The following SNTB2 variants were observed in gnomAD, a reference collection of about 807,000 sequenced individuals.
SNTB2 encodes the protein beta-2-syntrophin.
A neutral mutation model predicts 46.2 loss-of-function variants in SNTB2; 34 were observed. That is an observed-to-expected ratio of 0.74 (90% confidence interval 0.56 to 0.98). The LOEUF is 0.98. SNTB2 is among the 50% of genes least tolerant of loss of function. The probability of loss-of-function intolerance (pLI) is 0.00; values close to 1 mark genes in which losing one functional copy is unlikely to be tolerated. For synonymous variants in SNTB2, 290 were observed against 312.6 expected, an observed-to-expected ratio of 0.93 and a Z score of 0.76; for missense variants, 603 against 731.4, an observed-to-expected ratio of 0.82 and a Z score of 2.02.
chr16:69,229,204 C>G (rs1964484007), intron 1 of SNTB2, among the ~76,000 whole-genome samples: 1 of 152,148 alleles, frequency 6.6e-6, no homozygotes, highest in South Asian at 2.1e-4. Flanking sequence ...CAGGATCTCA[C>G]TCTGTCATTC....
At chr16:69,217,696 A>G (rs970159525) in intron 1 of SNTB2, among the ~76,000 whole-genome samples, 3 of 152,180 alleles carry the variant, frequency 2.0e-5, no homozygotes. Flanking sequence ...ATTGGAGATA[A>G]ATTCAGGAGC....
rs997806645 is a variant in SNTB2 at position 69,303,052 on chromosome 16, A to G, written c.*2128A>G. The G allele has an allele frequency of 6.6e-6, 1 of 152,170 alleles. No individual in the cohort carries two copies. The highest frequency in any genetic ancestry group is 2.4e-5 in the African/African-American group (1 of 41,406). 9.4% of individuals were successfully genotyped at this position (152,170 alleles called of 1,614,324 possible). A position where few individuals can be genotyped will look rare whatever the true frequency, so the allele number is the denominator to read the frequency against. The stretch of plus-strand genomic sequence containing the variant: ...CAGCTAATTTTTGTATTTTTAGTAG[A>G]GGCAGGTTTTCACCATGTTGGCTAG... On this transcript the variant is annotated 3_prime_UTR_variant, in exon 7 of 7. Coordinates refer to ENST00000336278, the MANE Select transcript of SNTB2 (RefSeq NM_006750.4).
Position 69,253,371 on chromosome 16 carries a change from C to T in SNTB2, c.795-6679C>T, listed in dbSNP as rs62055852. ...TTTCATAAAAAACTGGTTAACTGGCCGGGCGTGGTGCCTCACACCTGTAAT... is the reference window on the plus strand; with the variant it reads ...TTTCATAAAAAACTGGTTAACTGGCTGGGCGTGGTGCCTCACACCTGTAAT... On this transcript the variant is annotated intron_variant, in intron 2 of 6. Transcript: ENST00000336278. Among the ~76,000 whole-genome samples the T allele has an allele frequency of 7.1e-3, 1,083 of 151,820 alleles. 6 individuals are homozygous for T. The highest frequency in any genetic ancestry group is 0.014 in the Middle Eastern group (4 of 294).
At chr16:69,198,902 T>G (rs1463987655) in intron 1 of SNTB2, among the ~76,000 whole-genome samples, 26 of 151,178 alleles carry the variant, frequency 1.7e-4, no homozygotes, top group African/African-American at 6.3e-4. Flanking sequence ...TAATGTTTTT[T>G]TTTTTTTTTT....
chr16:69,267,086 G>A (rs1326691931), intron 3 of SNTB2, among the ~76,000 whole-genome samples: 1 of 151,156 alleles, frequency 6.6e-6, no homozygotes, highest in Non-Finnish European at 1.5e-5. Context: ...GGAGTGCAGT[G>A]GCGCAGTCTC....
chr16:69,189,730 A>T (rs1964032532), intron 1 of SNTB2, among the ~76,000 whole-genome samples: 1 of 152,236 alleles, frequency 6.6e-6, no homozygotes, highest in Non-Finnish European at 1.5e-5. Flanking sequence ...AGCCTGGATG[A>T]CAGAGCAAGA....
At chr16:69,258,364 AT>A (rs1237759623) in intron 2 of SNTB2, among the ~76,000 whole-genome samples, 13 of 152,140 alleles carry the variant, frequency 8.5e-5, no homozygotes, top group Non-Finnish European at 1.9e-4. Flanking sequence ...ACAAAACAAT[AT>A]TCAATAGATT....
rs1408243985 is a variant in SNTB2 at position 69,307,523 on chromosome 16, TTAACTG to T, written c.*6604_*6609del. 2 of 111,690 alleles carry T rather than the reference TTAACTG, an allele frequency of 1.8e-5. No homozygotes were observed. Among genetic ancestry groups the T allele is most frequent in the East Asian group, 2.0e-4 (1 of 4,916 alleles). The allele number at this position is 111,690 out of a possible 1,614,324, so 6.9% of individuals were successfully genotyped here. ...AAAGTCTTTCTTAAAAAATGCTTCTTTAACTGTAACAGCAAAACTAAATGCATATTT... is the reference window on the plus strand; with the variant it reads ...AAAGTCTTTCTTAAAAAATGCTTCTTTAACAGCAAAACTAAATGCATATTT... On this transcript the variant is annotated 3_prime_UTR_variant, in exon 7 of 7. Coordinates refer to ENST00000336278, the MANE Select transcript of SNTB2 (RefSeq NM_006750.4).
chr16:69,292,401 TATATATTA>T (rs1567416443), intron 5 of SNTB2, among the ~76,000 whole-genome samples: 1 of 24,880 alleles, frequency 4.0e-5, no homozygotes, highest in African/African-American at 4.4e-4. Flanking sequence ...TATATATATA[TATATATTA>T]TATATATATT....
intron 6 of SNTB2, among the ~76,000 whole-genome samples, chr16:69,300,281 C>T (rs1035002478): frequency 6.0e-5 from 9 of 150,926 alleles, no homozygotes; most frequent in South Asian, 2.1e-4. Context: ...GACGGAGTCT[C>T]GCTTTGTCGC....
chr16:69,225,976 T>C (rs1964455877), intron 1 of SNTB2, among the ~76,000 whole-genome samples: 1 of 152,044 alleles, frequency 6.6e-6, no homozygotes, highest in African/African-American at 2.4e-5. Context: ...CCATGTTGGC[T>C]AGGCTGGTCT....
intron 1 of SNTB2, among the ~76,000 whole-genome samples, chr16:69,239,897 A>G (rs1227869063): frequency 2.0e-5 from 3 of 152,194 alleles, no homozygotes; most frequent in Non-Finnish European, 4.4e-5. Context: ...TAATGGGGTC[A>G]TACAACTTTT....
At chr16:69,217,270 T>C (rs753380172) in intron 1 of SNTB2, among the ~76,000 whole-genome samples, 1 of 152,122 alleles carries the variant, frequency 6.6e-6, no homozygotes, top group Non-Finnish European at 1.5e-5. Flanking sequence ...GCCCAGGAGT[T>C]CGTGACCAGC....
At chr16:69,195,953 A>C (rs1964101389) in intron 1 of SNTB2, among the ~76,000 whole-genome samples, 1 of 152,140 alleles carries the variant, frequency 6.6e-6, no homozygotes, top group Admixed American at 6.6e-5. Context: ...GGCTTAAAAT[A>C]ATTTTGGCCG....
chr16:69,256,122 G>T (rs1223922369), intron 2 of SNTB2, among the ~76,000 whole-genome samples: 1 of 151,922 alleles, frequency 6.6e-6, no homozygotes, highest in Non-Finnish European at 1.5e-5. Context: ...GAAAGCAGAG[G>T]TTGCAGTGAG....
chr16:69,267,861 G>T (rs986474459), intron 3 of SNTB2, among the ~76,000 whole-genome samples: 1 of 152,170 alleles, frequency 6.6e-6, no homozygotes, highest in African/African-American at 2.4e-5. Flanking sequence ...GGCTCTGAAG[G>T]CAACACTCTA....
In SNTB2 at chr16:69,284,042, T is replaced by C. The variant is rs1965075875; in HGVS notation, c.1149-6T>C. The C allele has an allele frequency of 6.2e-7, 1 of 1,608,396 alleles. No homozygotes were observed. Among genetic ancestry groups the C allele is most frequent in the Admixed American group, 1.7e-5 (1 of 59,580 alleles). Reference sequence around the variant, plus strand: ...CTTTTGATCTCTGCTCTGTTTGTGGTCCTAGGTTGGTTCATTCTGGCTCCG... The same window carrying C: ...CTTTTGATCTCTGCTCTGTTTGTGGCCCTAGGTTGGTTCATTCTGGCTCCG... On this transcript the variant is annotated splice_polypyrimidine_tract_variant and splice_region_variant and intron_variant, in intron 4 of 6. Coordinates refer to ENST00000336278, the MANE Select transcript of SNTB2 (RefSeq NM_006750.4).
chr16:69,202,750 A>C (rs1429361641), intron 1 of SNTB2, among the ~76,000 whole-genome samples: 1 of 151,680 alleles, frequency 6.6e-6, no homozygotes, highest in Non-Finnish European at 1.5e-5. Context: ...TAATTTTTGT[A>C]TTTTTAGTAG....
At chr16:69,290,490 G>A (rs1451192094) in intron 5 of SNTB2, among the ~76,000 whole-genome samples, 1 of 152,040 alleles carries the variant, frequency 6.6e-6, no homozygotes, top group Non-Finnish European at 1.5e-5. Context: ...AAGAAAAACA[G>A]GCATTTACAA....
Sources: allele counts gnomAD v4.1 joint callset (sites outside exome capture counted in the v4.1 genomes callset), GRCh38; gene constraint gnomAD v4.1.1; transcripts MANE v1.5; gene names NCBI Gene and HGNC (gene_info 2026-07-23, HGNC 2026-07-21).